Variants in NUTM2G observed in about 807,000 individuals in gnomAD.
The protein encoded by NUTM2G is NUT family member 2G, also known as family with sequence similarity 22, member G.
Under a neutral mutation model 44.3 loss-of-function variants are expected in NUTM2G, and 29 were observed. The observed-to-expected ratio is 0.66, with a 90% CI of 0.49 to 0.89. The LOEUF is 0.89. Ranked by LOEUF, NUTM2G falls within the 40% of genes least tolerant of loss-of-function variation. The pLI is 0.00. For synonymous variants in NUTM2G, 205 were observed against 395.9 expected, an observed-to-expected ratio of 0.52 and a Z score of 5.72; for missense variants, 502 against 946.5, an observed-to-expected ratio of 0.53 and a Z score of 6.16.
At chr9:96,942,665 T>C (rs1414195673), downstream of NUTM2G, 3 of 136,506 alleles carry the variant, frequency 2.2e-5, no homozygotes, top group African/African-American at 3.1e-5. Flanking sequence ...TCTCAGGCCA[T>C]GGTCCTTCCT....
chr9:96,935,711 G>A (rs1328755379), intron 3 of NUTM2G, among the ~76,000 whole-genome samples: 1 of 152,190 alleles, frequency 6.6e-6, no homozygotes, highest in Non-Finnish European at 1.5e-5. Flanking sequence ...GGGTCATGGC[G>A]GGAGCAGCCA....
intron 2 of NUTM2G, among the ~76,000 whole-genome samples, chr9:96,932,957 T>TA: frequency 6.6e-6 from 1 of 150,600 alleles, no homozygotes; most frequent in Non-Finnish European, 1.5e-5. Context: ...CCCCAATACT[T>TA]ACTTTCTTTT....
chr9:96,936,912 C>T (rs1027341536), intron 4 of NUTM2G, 152 bp from the exon 5 acceptor site: 7 of 1,323,798 alleles, frequency 5.3e-6, no homozygotes, highest in African/African-American at 1.5e-5. Flanking sequence ...CAGATGTGCC[C>T]CTCCTGCGGC....
chr9:96,935,271 G>A (rs1303464007), intron 2 of NUTM2G, 57 bp from the exon 3 acceptor site: 2 of 1,609,748 alleles, frequency 1.2e-6, no homozygotes, highest in Admixed American at 3.4e-5. Flanking sequence ...TTGGGACCAG[G>A]TGGGCCCGGG....
At chr9:96,931,048 T>G (rs552176526) in intron 1 of NUTM2G, among the ~76,000 whole-genome samples, 4 of 151,724 alleles carry the variant, frequency 2.6e-5, no homozygotes, top group African/African-American at 9.7e-5. Context: ...GCACGCATCA[T>G]CAGCTAATTT....
rs747127582 is a variant in NUTM2G, at chr9:96,931,804, C to G, written c.99C>G (p.Pro33=). 1.9e-6 allele frequency: 3 copies of G among 1,611,806 alleles called. No homozygotes were observed. The highest frequency in any genetic ancestry group is 2.5e-6 in the Non-Finnish European group (3 of 1,179,866). The change falls in exon 2 of 7, where the codon CCC becomes CCG. Residue 33 remains proline (P), a synonymous_variant. Coordinates refer to ENST00000372322, the MANE Select transcript of NUTM2G (RefSeq NM_001170741.3). ...TCACGGCTCTGCCCTTTGCCACACC[C>G]TCTCCCGGCCCAACACACAGGCCGC... ...SVFTALPFAT[P]SPGPTHRPPL...
chr9:96,931,539 G>C (rs1313002729), intron 1 of NUTM2G, among the ~76,000 whole-genome samples, 183 bp from the exon 2 acceptor site: 1 of 151,374 alleles, frequency 6.6e-6, no homozygotes, highest in Non-Finnish European at 1.5e-5. Context: ...ACTGGCGCCA[G>C]GCTCTCTAGT....
chr9:96,935,117 T>C (rs779630591), intron 2 of NUTM2G, among the ~76,000 whole-genome samples: 2 of 152,138 alleles, frequency 1.3e-5, no homozygotes, highest in African/African-American at 2.4e-5. Context: ...ACCGAGGACT[T>C]GAGGGGCAGT....
chr9:96,935,806 C>G (rs1294119597), intron 3 of NUTM2G, among the ~76,000 whole-genome samples: 1 of 152,178 alleles, frequency 6.6e-6, no homozygotes, highest in Non-Finnish European at 1.5e-5. Flanking sequence ...GGGGGGCAGG[C>G]TCCTCACAGC....
intron 1 of NUTM2G, among the ~76,000 whole-genome samples, chr9:96,930,301 G>C (rs1356179539): frequency 6.6e-6 from 1 of 152,180 alleles, no homozygotes; most frequent in Non-Finnish European, 1.5e-5. Context: ...AAGGCATGTG[G>C]ATCACGAGGT....
chr9:96,933,213 G>C (rs1826325931), intron 2 of NUTM2G, among the ~76,000 whole-genome samples: 1 of 150,356 alleles, frequency 6.7e-6, no homozygotes, highest in Non-Finnish European at 1.5e-5. Flanking sequence ...CTCCTGCCCT[G>C]GTGATTCTCC....
intron 2 of NUTM2G, among the ~76,000 whole-genome samples, chr9:96,932,757 A>G (rs2119025788): frequency 6.7e-6 from 1 of 150,258 alleles, no homozygotes; most frequent in East Asian, 2.0e-4. Context: ...GGTTCAAGTG[A>G]TTCTGCTGCC....
intron 1 of NUTM2G, among the ~76,000 whole-genome samples, chr9:96,929,937 GA>G (rs1311032087): frequency 1.3e-5 from 2 of 151,656 alleles, no homozygotes; most frequent in African/African-American, 4.8e-5. Flanking sequence ...TTCAGTAGAG[GA>G]AGGAGAGTAG....
intron 2 of NUTM2G, among the ~76,000 whole-genome samples, chr9:96,934,314 GC>G (rs909556810): frequency 6.6e-6 from 1 of 152,224 alleles, no homozygotes; most frequent in African/African-American, 2.4e-5. Context: ...CAACACACTG[GC>G]CGTTCCCCTA....
chr9:96,934,508 G>C (rs1339408397), intron 2 of NUTM2G, among the ~76,000 whole-genome samples: 1 of 151,978 alleles, frequency 6.6e-6, no homozygotes. Flanking sequence ...GGCTCCTGTG[G>C]GAATGTGGGA....
At chr9:96,940,190 T>G (rs1826560207), downstream of NUTM2G, 1 of 147,096 alleles carries the variant, frequency 6.8e-6, no homozygotes, top group African/African-American at 2.5e-5. Flanking sequence ...CAGGAGAAGC[T>G]GGGGCCCAGG....
At chr9:96,933,325 A>T (rs1340615147) in intron 2 of NUTM2G, among the ~76,000 whole-genome samples, 1 of 151,726 alleles carries the variant, frequency 6.6e-6, no homozygotes, top group African/African-American at 2.4e-5. Flanking sequence ...GACCCAGGTC[A>T]GAGAGGGTTC....
intron 3 of NUTM2G, 98 bp downstream of exon 3, chr9:96,935,554 G>C: frequency 1.2e-6 from 2 of 1,608,410 alleles, no homozygotes; most frequent in Non-Finnish European, 1.7e-6. Context: ...GGAGCATGAG[G>C]AGGGTGTGGA....
chr9:96,930,390 G>C (rs183935049), intron 1 of NUTM2G, among the ~76,000 whole-genome samples: 2 of 152,212 alleles, frequency 1.3e-5, no homozygotes, highest in East Asian at 3.9e-4. Context: ...TGGGCATGGT[G>C]GCGGGAGCCT....
Sources: allele counts gnomAD v4.1 joint callset (sites outside exome capture counted in the v4.1 genomes callset), GRCh38; gene constraint gnomAD v4.1.1; transcripts MANE v1.5; gene names NCBI Gene and HGNC (gene_info 2026-07-23, HGNC 2026-07-21).